ASIC2: variants seen among roughly 807,000 people sequenced by gnomAD.
ASIC2 encodes acid sensing ion channel subunit 2.
Under a neutral mutation model 57.3 loss-of-function variants are expected in ASIC2, and 25 were observed. That is an observed-to-expected ratio of 0.44 (90% confidence interval 0.32 to 0.61). The LOEUF (loss-of-function observed/expected upper bound fraction) is 0.61, where lower values mean the gene tolerates loss of function less well. Among genes scored for constraint, ASIC2 ranks in the 20% least tolerant of loss-of-function variants. ASIC2 has a pLI of 0.06. For synonymous variants in ASIC2, 319 were observed against 307.5 expected (o/e 1.04, Z -0.39); for missense variants, 641 against 738.1 (o/e 0.87, Z 1.52).
At chr17:33,185,796 A>G (rs1235658875) in intron 1 of ASIC2, among the ~76,000 whole-genome samples, 2 of 152,168 alleles carry the variant, frequency 1.3e-5, no homozygotes, top group African/African-American at 4.8e-5. Flanking sequence ...ATCCCACAAG[A>G]CTGGGAATAC....
chr17:33,252,119 A>T lies in ASIC2; in HGVS notation c.708+39289T>A, dbSNP rs148195721. ...GCTATTCCCTCCTGAATCTTCTCCC[A>T]ATCAAGAGTGTGAGCCATATACCAT... On this transcript the variant is annotated intron_variant, in intron 1 of 9. Coordinates refer to ENST00000225823, the MANE Select transcript of ASIC2 (RefSeq NM_183377.2). Among the ~76,000 whole-genome samples the T allele has an allele frequency of 5.5e-3, 839 of 152,240 alleles. 5 individuals carry two copies. The highest frequency in any genetic ancestry group is 9.3e-3 in the Admixed American group (142 of 15,290).
Position 33,784,762 on chromosome 17 carries a change from A to G in ASIC2, c.555+371216T>C, listed in dbSNP as rs554940628. ...CACATGTCCAGTGCTCAAGAGCCAC[A>G]TGTAGCTGAGAGCTGTTTTGTGCAG... On this transcript the variant is annotated intron_variant, in intron 1 of 9. Coordinates refer to the ASIC2 transcript ENST00000359872. Among the ~76,000 whole-genome samples the G allele has an allele frequency of 1.1e-4, 17 of 152,298 alleles. No homozygotes were observed. The East Asian group carries it at 3.3e-3, about 29-fold the overall frequency.
chr17:33,141,845 C>T (rs2142018440), intron 1 of ASIC2, among the ~76,000 whole-genome samples: 1 of 152,314 alleles, frequency 6.6e-6, no homozygotes, highest in South Asian at 2.1e-4. Context: ...CTCATGAAAC[C>T]TCAGTCATTA....
At chr17:33,797,913 G>C (rs929223619) in intron 1 of ASIC2, among the ~76,000 whole-genome samples, 1 of 152,140 alleles carries the variant, frequency 6.6e-6, no homozygotes. Flanking sequence ...TCACTCACAG[G>C]ACTAGCCCCC....
chr17:33,514,602 C>T (rs1914514102), intron 1 of ASIC2, among the ~76,000 whole-genome samples: 1 of 152,200 alleles, frequency 6.6e-6, no homozygotes, highest in Non-Finnish European at 1.5e-5. Context: ...CCTTATTGAT[C>T]TTTCCAGGGC....
At chr17:34,115,831 G>A (rs1012758871) in intron 1 of ASIC2, among the ~76,000 whole-genome samples, 7 of 152,150 alleles carry the variant, frequency 4.6e-5, no homozygotes, top group Admixed American at 2.6e-4. Context: ...AGGTATATCT[G>A]CTTTTATCCA....
chr17:33,135,945 C>G (rs182238016), intron 1 of ASIC2, among the ~76,000 whole-genome samples: 19 of 152,284 alleles, frequency 1.2e-4, no homozygotes, highest in African/African-American at 4.6e-4. Flanking sequence ...GTGAGGCAGC[C>G]GTGACACATT....
chr17:33,340,717 A>G (rs548555588), intron 1 of ASIC2, among the ~76,000 whole-genome samples: 10 of 152,258 alleles, frequency 6.6e-5, no homozygotes, highest in African/African-American at 2.2e-4. Flanking sequence ...GGGCTCCTGC[A>G]TCATCAAACG....
At chr17:33,940,465 T>A (rs1417293134) in intron 1 of ASIC2, among the ~76,000 whole-genome samples, 1 of 152,158 alleles carries the variant, frequency 6.6e-6, no homozygotes, top group Non-Finnish European at 1.5e-5. Context: ...ATGGATAAAT[T>A]GCACTGTGGT....
chr17:33,166,775 C>T lies in ASIC2; in HGVS notation c.709-54708G>A, dbSNP rs17248595. 4.7e-3 allele frequency among the ~76,000 whole-genome samples: 712 copies of T among 152,298 alleles called. 18 individuals carry two copies. The East Asian group carries it at 0.062, about 13-fold the overall frequency. On this transcript the variant is annotated intron_variant, in intron 1 of 9. Transcript: ENST00000225823. Reference sequence around the variant, plus strand: ...CTCCCACTGCACTGCAGGAACCGAACGGTATTGCATAAAGGCTGGCTTTGC... The same window carrying T: ...CTCCCACTGCACTGCAGGAACCGAATGGTATTGCATAAAGGCTGGCTTTGC...
intron 1 of ASIC2, among the ~76,000 whole-genome samples, chr17:33,750,000 G>A (rs1202206618): frequency 6.6e-6 from 1 of 152,190 alleles, no homozygotes; most frequent in Admixed American, 6.5e-5. Flanking sequence ...GTGGGGACCA[G>A]CCTCCCTCTT....
At chr17:33,572,080 G>A (rs1916465419) in intron 1 of ASIC2, 1 of 152,246 alleles carries the variant, frequency 6.6e-6, no homozygotes, top group African/African-American at 2.4e-5. Context: ...ATTGAGTGAT[G>A]TGCTTAGTTT....
chr17:33,415,330 A>C (rs1203883763), intron 1 of ASIC2, among the ~76,000 whole-genome samples: 2 of 152,174 alleles, frequency 1.3e-5, no homozygotes, highest in East Asian at 3.8e-4. Context: ...CATATACTCT[A>C]AATTATCTCT....
chr17:34,122,677 T>C (rs889796656), intron 1 of ASIC2, among the ~76,000 whole-genome samples: 2 of 152,238 alleles, frequency 1.3e-5, no homozygotes, highest in Non-Finnish European at 2.9e-5. Flanking sequence ...TCCCAAGCTT[T>C]GTTTACAGTG....
chr17:33,993,929 G>A (rs1337267219), intron 1 of ASIC2, among the ~76,000 whole-genome samples: 1 of 152,168 alleles, frequency 6.6e-6, no homozygotes, highest in Non-Finnish European at 1.5e-5. Context: ...CTTCCACAGT[G>A]ACTGATCTTT....
At chr17:33,622,365 A>G (rs182195984) in intron 1 of ASIC2, among the ~76,000 whole-genome samples, 1 of 152,186 alleles carries the variant, frequency 6.6e-6, no homozygotes, top group African/African-American at 2.4e-5. Flanking sequence ...TTTCCATGGG[A>G]AAAACAAACT....
intron 1 of ASIC2, among the ~76,000 whole-genome samples, chr17:33,866,194 G>A (rs570596861): frequency 2.0e-5 from 3 of 152,254 alleles, no homozygotes; most frequent in South Asian, 4.1e-4. Context: ...ATTACAAATA[G>A]ATTTTTATGC....
At chr17:33,131,933 C>A (rs1434644515) in intron 1 of ASIC2, among the ~76,000 whole-genome samples, 1 of 152,096 alleles carries the variant, frequency 6.6e-6, no homozygotes, top group Non-Finnish European at 1.5e-5. Context: ...CAAGAGTAGC[C>A]TCAGAGGAAA....
At chr17:33,902,297 G>T (rs961498825) in intron 1 of ASIC2, among the ~76,000 whole-genome samples, 4 of 152,156 alleles carry the variant, frequency 2.6e-5, no homozygotes, top group African/African-American at 9.7e-5. Context: ...ACCCAGAGTT[G>T]TTTCTATTAA....
Sources: gnomAD v4.1 joint callset for allele counts (sites outside exome capture counted in the v4.1 genomes callset) on GRCh38, gnomAD v4.1.1 for gene constraint, MANE v1.5 for transcripts, NCBI Gene and HGNC (gene_info 2026-07-23, HGNC 2026-07-21) for gene names.